COL21A1: variants seen among roughly 807,000 people sequenced by gnomAD.
COL21A1 encodes collagen alpha-1(XXI) chain.
In COL21A1, 149 loss-of-function variants were observed where a neutral mutation model predicts 137.9. The observed-to-expected ratio is 1.08, with a 90% CI of 0.95 to 1.24. The LOEUF is 1.24. COL21A1 is among the 50% of genes most tolerant of loss of function. COL21A1 has a pLI of 0.00. For missense variants in COL21A1, 1,167 were observed against 1,158.4 expected (o/e 1.01, Z -0.11); for synonymous variants, 456 against 391.5 (o/e 1.16, Z -1.95).
At chr6:56,125,429 A>G (rs1050148406) in intron 14 of COL21A1, 138 bp downstream of exon 14, 28 of 496,590 alleles carry the variant, frequency 5.6e-5, no homozygotes, top group African/African-American at 5.4e-4. Context: ...TTCTTTTTTC[A>G]TTGTTCTGAA....
At chr6:56,132,874 T>G (rs1165872300) in intron 12 of COL21A1, among the ~76,000 whole-genome samples, 1 of 152,178 alleles carries the variant, frequency 6.6e-6, no homozygotes, top group African/African-American at 2.4e-5. Context: ...CCTGCTGCCA[T>G]TCATGTAAGA....
intron 1 of COL21A1, among the ~76,000 whole-genome samples, chr6:56,240,769 G>A (rs999132180): frequency 6.6e-6 from 1 of 152,098 alleles, no homozygotes; most frequent in Non-Finnish European, 1.5e-5. Context: ...TTGGTGGCAG[G>A]CTGGATGAGA....
At chr6:56,178,428 T>C (rs1777650107) in intron 3 of COL21A1, among the ~76,000 whole-genome samples, 1 of 152,098 alleles carries the variant, frequency 6.6e-6, no homozygotes, top group Admixed American at 6.5e-5. Flanking sequence ...CTCTTAAATA[T>C]GAAAATTTAA....
chr6:56,276,673 T>A, intron 1 of COL21A1: 2 of 1,443,150 alleles, frequency 1.4e-6, no homozygotes, highest in East Asian at 4.6e-5. Context: ...AAGTCCTGCA[T>A]GATCCTTGTC....
intron 1 of COL21A1, among the ~76,000 whole-genome samples, chr6:56,386,227 G>A (rs2094017970): frequency 6.6e-6 from 1 of 152,150 alleles, no homozygotes; most frequent in South Asian, 2.1e-4. Flanking sequence ...GGGATTACAG[G>A]CATGAGCCAC....
chr6:56,315,998 C>T (rs999866957), intron 1 of COL21A1, among the ~76,000 whole-genome samples: 6 of 152,134 alleles, frequency 3.9e-5, no homozygotes, highest in African/African-American at 1.4e-4. Flanking sequence ...TTTTATTTGT[C>T]AGTCATACCA....
At chr6:56,212,602 A>T (rs1483687491) in intron 1 of COL21A1, among the ~76,000 whole-genome samples, 1 of 152,102 alleles carries the variant, frequency 6.6e-6, no homozygotes, top group Non-Finnish European at 1.5e-5. Flanking sequence ...GCTTAACACT[A>T]CATGGAACCC....
intron 20 of COL21A1, among the ~76,000 whole-genome samples, chr6:56,071,620 C>T (rs1272529613): frequency 6.6e-6 from 1 of 151,446 alleles, no homozygotes; most frequent in Non-Finnish European, 1.5e-5. Context: ...GTAGGCTGCT[C>T]ATGGTAAGAA....
At chr6:56,294,265 T>C (rs956632928) in intron 1 of COL21A1, among the ~76,000 whole-genome samples, 1 of 152,114 alleles carries the variant, frequency 6.6e-6, no homozygotes, top group African/African-American at 2.4e-5. Flanking sequence ...AACTTTGCCA[T>C]TTTCAGTCAA....
intron 16 of COL21A1, among the ~76,000 whole-genome samples, chr6:56,123,667 C>G (rs1293740978): frequency 1.3e-5 from 2 of 152,112 alleles, no homozygotes; most frequent in Non-Finnish European, 2.9e-5. Flanking sequence ...TTTGCAGTTC[C>G]CCACTTACTC....
intron 1 of COL21A1, among the ~76,000 whole-genome samples, chr6:56,221,599 C>T (rs1415107795): frequency 6.6e-6 from 1 of 152,064 alleles, no homozygotes; most frequent in Admixed American, 6.6e-5. Context: ...GTGTCACACA[C>T]CTATAATTCC....
At chr6:56,275,561 C>T (rs1272572409) in intron 1 of COL21A1, among the ~76,000 whole-genome samples, 1 of 151,948 alleles carries the variant, frequency 6.6e-6, no homozygotes, top group East Asian at 1.9e-4. Flanking sequence ...AAGACATGAA[C>T]AGATACTTCT....
At chr6:56,375,117 C>T (rs766963492) in intron 1 of COL21A1, among the ~76,000 whole-genome samples, 13 of 152,006 alleles carry the variant, frequency 8.6e-5, no homozygotes, top group Non-Finnish European at 1.9e-4. Flanking sequence ...TGAGAGAACG[C>T]CAGAGCCAAA....
At chr6:56,205,160 A>T (rs1779679468) in intron 1 of COL21A1, among the ~76,000 whole-genome samples, 1 of 152,202 alleles carries the variant, frequency 6.6e-6, no homozygotes, top group Admixed American at 6.5e-5. Context: ...AGTAGGCTTC[A>T]GAAGGTGGGT....
At chr6:56,198,955 T>C (rs1032357229) in intron 1 of COL21A1, among the ~76,000 whole-genome samples, 1 of 152,132 alleles carries the variant, frequency 6.6e-6, no homozygotes, top group Non-Finnish European at 1.5e-5. Flanking sequence ...AAAGGGGCTC[T>C]ACAGATGTAG....
chr6:56,311,630 G>A (rs1449811290), intron 1 of COL21A1, among the ~76,000 whole-genome samples: 2 of 152,172 alleles, frequency 1.3e-5, no homozygotes, highest in Non-Finnish European at 1.5e-5. Context: ...TATGGTGTGT[G>A]TGTACATGTA....
intron 10 of COL21A1, among the ~76,000 whole-genome samples, chr6:56,150,536 ACACACACACACACACACACACACACACAC>A (rs1775228749): frequency 6.6e-6 from 1 of 151,176 alleles, no homozygotes; most frequent in Non-Finnish European, 1.5e-5. Flanking sequence ...ACACACACAC[ACACACACACACACACACACACACACACAC>A]AAGAGTGGGG....
intron 1 of COL21A1, among the ~76,000 whole-genome samples, chr6:56,301,902 C>CT (rs1404672758): frequency 6.6e-6 from 1 of 151,840 alleles, no homozygotes; most frequent in East Asian, 1.9e-4. Flanking sequence ...GTTCCCCTTC[C>CT]TGTGTCCCAT....
At chr6:56,127,835 T>C (rs1773171852) in intron 12 of COL21A1, among the ~76,000 whole-genome samples, 1 of 152,154 alleles carries the variant, frequency 6.6e-6, no homozygotes, top group South Asian at 2.1e-4. Context: ...ATCTTCCTCT[T>C]GTTTCCAGTG....
Sources: gnomAD v4.1 joint callset for allele counts (sites outside exome capture counted in the v4.1 genomes callset) on GRCh38, gnomAD v4.1.1 for gene constraint, MANE v1.5 for transcripts, NCBI Gene and HGNC (gene_info 2026-07-23, HGNC 2026-07-21) for gene names.